The following NPSR1 variants were observed in gnomAD, a reference collection of about 807,000 sequenced individuals.
NPSR1 encodes the protein neuropeptide S receptor.
In NPSR1, 48 loss-of-function variants were observed where a neutral mutation model predicts 46.9. The ratio of observed to expected loss-of-function variants is 1.02; its 90% CI spans 0.81 to 1.30. The LOEUF (loss-of-function observed/expected upper bound fraction) is 1.30, where lower values mean the gene tolerates loss of function less well. Among genes scored for constraint, NPSR1 ranks in the 50% most tolerant of loss-of-function variants. The pLI is 0.00. For synonymous variants in NPSR1, 176 were observed against 168.1 expected (o/e 1.05, Z -0.36); for missense variants, 450 against 449.5 (o/e 1.00, Z -0.01).
At chr7:34,867,732 C>G (rs1172009623) in intron 8 of NPSR1, among the ~76,000 whole-genome samples, 2 of 151,878 alleles carry the variant, frequency 1.3e-5, no homozygotes, top group African/African-American at 2.4e-5. Context: ...AGCAATCTCT[C>G]TTAAGAAATT....
chr7:34,708,893 A>C (rs986236419), intron 2 of NPSR1, among the ~76,000 whole-genome samples: 1 of 152,136 alleles, frequency 6.6e-6, no homozygotes, highest in African/African-American at 2.4e-5. Context: ...AGGACCTTTA[A>C]AGTTATCATT....
chr7:34,730,376 G>A (rs1784367679), intron 2 of NPSR1, among the ~76,000 whole-genome samples: 1 of 152,144 alleles, frequency 6.6e-6, no homozygotes. Flanking sequence ...GGCCTGAACA[G>A]TCTTCCCTCA....
intron 4 of NPSR1, among the ~76,000 whole-genome samples, chr7:34,822,354 C>T (rs947957727): frequency 1.3e-5 from 2 of 151,978 alleles, no homozygotes; most frequent in Non-Finnish European, 2.9e-5. Context: ...AGGGAGAAAC[C>T]AGGAGGGAGT....
chr7:34,853,980 C>CA (rs1460225149), downstream of NPSR1, among the ~76,000 whole-genome samples: 1 of 142,646 alleles, frequency 7.0e-6, no homozygotes, highest in East Asian at 2.0e-4. Context: ...AAAAAAAAAA[C>CA]AAAAAACAAA....
At chr7:34,839,816 T>C (rs1790501980) in intron 6 of NPSR1, among the ~76,000 whole-genome samples, 1 of 150,106 alleles carries the variant, frequency 6.7e-6, no homozygotes, top group Admixed American at 6.6e-5. Flanking sequence ...AGAGAGAGAG[T>C]GGAGGACTGC....
chr7:34,689,714 C>T lies in NPSR1; in HGVS notation c.280+5030C>T, dbSNP rs763293441. Among the ~76,000 whole-genome samples, 7 of 150,468 alleles carry T rather than the reference C, an allele frequency of 4.7e-5. No individual in the cohort carries two copies. In the South Asian group the frequency reaches 6.4e-4, roughly 14 times the overall value. On this transcript the variant is annotated intron_variant, in intron 2 of 8. Coordinates refer to ENST00000360581, the MANE Select transcript of NPSR1 (RefSeq NM_207172.2). ...TCCCAGCACTTTGGGATGCTAAGGC[C>T]GGCAAATCACTTGAGCTTAGGAATT...
chr7:34,826,895 A>T (rs1011945873), intron 4 of NPSR1, among the ~76,000 whole-genome samples: 1 of 151,872 alleles, frequency 6.6e-6, no homozygotes, highest in Non-Finnish European at 1.5e-5. Flanking sequence ...ACCAAAAAAA[A>T]AAAAAAAGAA....
At chr7:34,831,906 G>GA (rs1260713214) in intron 5 of NPSR1, among the ~76,000 whole-genome samples, 1 of 152,144 alleles carries the variant, frequency 6.6e-6, no homozygotes, top group Non-Finnish European at 1.5e-5. Context: ...TCATATGTGA[G>GA]AAAAATTCAT....
intron 8 of NPSR1, among the ~76,000 whole-genome samples, chr7:34,873,485 C>T (rs1405134096): frequency 2.6e-5 from 4 of 151,774 alleles, no homozygotes; most frequent in Non-Finnish European, 4.4e-5. Context: ...AAGCATGGTG[C>T]TGGCACCCAC....
intron 1 of NPSR1, among the ~76,000 whole-genome samples, chr7:34,671,166 A>G (rs1792032868): frequency 6.7e-6 from 1 of 148,744 alleles, no homozygotes; most frequent in Non-Finnish European, 1.5e-5. Flanking sequence ...TCTTTGTGCA[A>G]TGTTAAAGGT....
At chr7:34,790,724 T>TTCTATGTTATATGTTATATATAA (rs1562729228) in intron 3 of NPSR1, among the ~76,000 whole-genome samples, 4 of 112,814 alleles carry the variant, frequency 3.5e-5, no homozygotes, top group East Asian at 2.7e-4. Flanking sequence ...ATAATATATG[T>TTCTATGTTATATGTTATATATAA]TATATGTTAT....
chr7:34,775,267 A>G (rs574937839), intron 2 of NPSR1, among the ~76,000 whole-genome samples: 2 of 152,298 alleles, frequency 1.3e-5, no homozygotes, highest in East Asian at 3.9e-4. Context: ...GAAAACGAAT[A>G]TTATTGTCTG....
At chr7:34,870,177 G>A (rs1791417749) in intron 8 of NPSR1, among the ~76,000 whole-genome samples, 1 of 151,792 alleles carries the variant, frequency 6.6e-6, no homozygotes, top group African/African-American at 2.4e-5. Context: ...AGCTGCCTCT[G>A]TACCATGCGC....
At chr7:34,674,980 C>G (rs1342084915) in intron 1 of NPSR1, among the ~76,000 whole-genome samples, 2 of 152,126 alleles carry the variant, frequency 1.3e-5, no homozygotes, top group South Asian at 4.1e-4. Flanking sequence ...TATCTTAAAC[C>G]AAAATTGGGG....
chr7:34,871,284 C>T (rs756850469), intron 8 of NPSR1, among the ~76,000 whole-genome samples: 20 of 151,482 alleles, frequency 1.3e-4, no homozygotes, highest in Non-Finnish European at 2.4e-4. Flanking sequence ...ATGTGAACTA[C>T]CAGAGCAAGA....
intron 1 of NPSR1, among the ~76,000 whole-genome samples, chr7:34,662,617 A>T (rs2128669144): frequency 6.6e-6 from 1 of 152,178 alleles, no homozygotes; most frequent in Non-Finnish European, 1.5e-5. Flanking sequence ...GTTCAATTTG[A>T]GTTTCTACAG....
chr7:34,711,167 A>G, intron 2 of NPSR1: 1 of 221,990 alleles, frequency 4.5e-6, no homozygotes, highest in Non-Finnish European at 9.2e-6. Context: ...AGAACCATAT[A>G]TTGCACGAGG....
intron 1 of NPSR1, among the ~76,000 whole-genome samples, chr7:34,659,698 T>C (rs865952853): frequency 1.3e-5 from 2 of 152,336 alleles, no homozygotes; most frequent in East Asian, 3.9e-4. Context: ...CACCTCCTAA[T>C]GCATATGCAC....
At chr7:34,806,659 A>C (rs765626981) in intron 3 of NPSR1, among the ~76,000 whole-genome samples, 1 of 152,150 alleles carries the variant, frequency 6.6e-6, no homozygotes, top group Non-Finnish European at 1.5e-5. Context: ...AATGGACTTT[A>C]GTTAATGATA....
Sources: allele counts gnomAD v4.1 joint callset (sites outside exome capture counted in the v4.1 genomes callset), GRCh38; gene constraint gnomAD v4.1.1; transcripts MANE v1.5; gene names NCBI Gene and HGNC (gene_info 2026-07-23, HGNC 2026-07-21).